Variants in DHRSX observed in about 807,000 individuals in gnomAD.
DHRSX encodes polyprenol dehydrogenase.
Under a neutral mutation model 34.0 loss-of-function variants are expected in DHRSX, and 31 were observed. The ratio of observed to expected loss-of-function variants is 0.91; its 90% CI spans 0.69 to 1.23. The LOEUF (loss-of-function observed/expected upper bound fraction) is 1.23. DHRSX is among the 50% of genes most tolerant of loss of function. The pLI is 0.00. For synonymous variants in DHRSX, 201 were observed against 183.8 expected (o/e 1.09, Z -0.76); for missense variants, 414 against 428.1 (o/e 0.97, Z 0.29).
intron 3 of DHRSX, among the ~76,000 whole-genome samples, chrX:2,314,455 G>A (rs112794770): frequency 0.019 from 501 of 26,314 alleles, 7 homozygotes; most frequent in Middle Eastern, 0.083. Flanking sequence ...GGGGAGAAGG[G>A]AGGAAGGAAG....
In DHRSX at chrX:2,500,798, C is replaced by A; in HGVS notation, c.109+19G>T. On this transcript the variant is annotated intron_variant, in intron 1 of 6. Coordinates refer to ENST00000334651, the MANE Select transcript of DHRSX (RefSeq NM_145177.3). ...CACCCGGGTCCCCGGAGCCCTGACC[C>A]CTGCCCCGCCCCGCTGACCTGGCTC... The A allele has an allele frequency of 2.7e-6, 3 of 1,111,282 alleles. No homozygotes were observed. Among genetic ancestry groups the A allele is most frequent in the Non-Finnish European group, 3.3e-6 (3 of 908,056 alleles). 68.8% of individuals were successfully genotyped at this position (1,111,282 alleles called of 1,614,324 possible). A position where few individuals can be genotyped will look rare whatever the true frequency, so the allele number is the denominator to read the frequency against.
intron 3 of DHRSX, among the ~76,000 whole-genome samples, chrX:2,402,229 C>A (rs2043495246): frequency 6.6e-6 from 1 of 152,238 alleles, no homozygotes; most frequent in Non-Finnish European, 1.5e-5. Flanking sequence ...TTACCCGATG[C>A]CGGGATCCCA....
At chrX:2,471,208 C>A (rs1054411875) in intron 1 of DHRSX, among the ~76,000 whole-genome samples, 4 of 152,084 alleles carry the variant, frequency 2.6e-5, no homozygotes, top group African/African-American at 9.7e-5. Flanking sequence ...AATTCAACAC[C>A]CTTTATATGA....
intron 4 of DHRSX, among the ~76,000 whole-genome samples, chrX:2,289,856 TA>T (rs1444623042): frequency 1.8e-4 from 28 of 152,170 alleles, no homozygotes; most frequent in African/African-American, 5.3e-4. Flanking sequence ...TGAAAAGTGT[TA>T]TTGATCTCCA....
intron 5 of DHRSX, among the ~76,000 whole-genome samples, chrX:2,252,112 C>T (rs1409082319): frequency 1.3e-5 from 2 of 152,040 alleles, no homozygotes; most frequent in East Asian, 1.9e-4. Context: ...GTGGCAGGTG[C>T]CTGTAATCCC....
intron 2 of DHRSX, 77 bp downstream of exon 2, chrX:2,425,120 G>T: frequency 8.7e-7 from 1 of 1,143,582 alleles, no homozygotes; most frequent in Non-Finnish European, 1.3e-6. Flanking sequence ...AGCACGGGTT[G>T]ACGGACTGCG....
chrX:2,360,538 G>C (rs752546031), intron 3 of DHRSX, among the ~76,000 whole-genome samples: 1 of 151,996 alleles, frequency 6.6e-6, no homozygotes, highest in Non-Finnish European at 1.5e-5. Flanking sequence ...AGCCAAGATC[G>C]CGCCACTGCA....
chrX:2,462,433 G>A (rs2044415950), intron 1 of DHRSX, among the ~76,000 whole-genome samples: 1 of 152,104 alleles, frequency 6.6e-6, no homozygotes, highest in Non-Finnish European at 1.5e-5. Flanking sequence ...TACTCAGGAG[G>A]CTGAGACAGG....
intron 1 of DHRSX, among the ~76,000 whole-genome samples, chrX:2,455,943 G>T (rs188412580): frequency 6.6e-6 from 1 of 152,178 alleles, no homozygotes; most frequent in Non-Finnish European, 1.5e-5. Context: ...GTGCATGCCT[G>T]CTCTGGGCTT....
intron 3 of DHRSX, among the ~76,000 whole-genome samples, chrX:2,371,781 G>A (rs1232953771): frequency 6.6e-6 from 1 of 151,370 alleles, no homozygotes; most frequent in African/African-American, 2.4e-5. Context: ...TCCTCTTATT[G>A]CAAAAGCTCC....
intron 3 of DHRSX, among the ~76,000 whole-genome samples, chrX:2,299,749 G>A (rs1261164113): frequency 2.6e-5 from 4 of 151,990 alleles, no homozygotes; most frequent in Admixed American, 1.3e-4. Flanking sequence ...CAGATACTCG[G>A]GAGGCTGAGG....
intron 1 of DHRSX, among the ~76,000 whole-genome samples, chrX:2,466,640 G>A (rs2044500476): frequency 6.6e-6 from 1 of 151,364 alleles, no homozygotes; most frequent in East Asian, 1.9e-4. Context: ...GAGGGTGGAG[G>A]GTGGGAGAAA....
At chrX:2,301,062 G>T (rs964859406) in intron 3 of DHRSX, among the ~76,000 whole-genome samples, 4 of 152,212 alleles carry the variant, frequency 2.6e-5, no homozygotes, top group Non-Finnish European at 5.9e-5. Flanking sequence ...ACCGTCTGCA[G>T]AATGCAGCCA....
At chrX:2,454,865 A>C (rs7063451) in intron 1 of DHRSX, among the ~76,000 whole-genome samples, 71,910 of 151,456 alleles carry the variant, frequency 0.47, 20,191 homozygotes, top group African/African-American at 0.77. Flanking sequence ...GTAATCTCAG[A>C]AATTTGGGAG....
intron 5 of DHRSX, among the ~76,000 whole-genome samples, chrX:2,258,109 G>T (rs1234661536): frequency 6.6e-6 from 1 of 152,232 alleles, no homozygotes; most frequent in South Asian, 2.1e-4. Context: ...GGCCTGAGGA[G>T]GAACCAGCCC....
chrX:2,466,149 A>G (rs2044492076), intron 1 of DHRSX, among the ~76,000 whole-genome samples: 1 of 152,220 alleles, frequency 6.6e-6, no homozygotes, highest in East Asian at 1.9e-4. Context: ...ATGAAAAAGA[A>G]TGGGATTGGT....
At chrX:2,487,084 T>C (rs1349694181) in intron 1 of DHRSX, 1 of 152,174 alleles carries the variant, frequency 6.6e-6, no homozygotes, top group Non-Finnish European at 1.5e-5. Context: ...TCCTGAAGTA[T>C]TTTTCCTCCA....
chrX:2,265,900 T>C (rs1202824672), intron 5 of DHRSX, among the ~76,000 whole-genome samples: 1 of 138,138 alleles, frequency 7.2e-6, no homozygotes, highest in Non-Finnish European at 1.6e-5. Flanking sequence ...CAGGGAGCAC[T>C]GTCCCCAGAG....
At chrX:2,485,738 GAGAGA>G (rs2044885348) in intron 1 of DHRSX, among the ~76,000 whole-genome samples, 1 of 76,394 alleles carries the variant, frequency 1.3e-5, no homozygotes. Context: ...GGAGAAAAGG[GAGAGA>G]AGGGAGGGAA....
Sources: gnomAD v4.1 joint callset for allele counts (sites outside exome capture counted in the v4.1 genomes callset) on GRCh38, gnomAD v4.1.1 for gene constraint, MANE v1.5 for transcripts, NCBI Gene and HGNC (gene_info 2026-07-23, HGNC 2026-07-21) for gene names.